KAT2A: variants seen among roughly 807,000 people sequenced by gnomAD.
KAT2A encodes the protein lysine acetyltransferase 2A, also known as histone acetyltransferase KAT2A.
A neutral mutation model predicts 95.2 loss-of-function variants in KAT2A; 42 were observed. The observed-to-expected ratio is 0.44, with a 90% CI of 0.34 to 0.57. The LOEUF (loss-of-function observed/expected upper bound fraction) is 0.57. Ranked by LOEUF, KAT2A falls within the 20% of genes least tolerant of loss-of-function variation. The probability of loss-of-function intolerance (pLI) is 0.01; values close to 1 mark genes in which losing one functional copy is unlikely to be tolerated. For missense variants in KAT2A, 784 were observed against 1,126.3 expected, an observed-to-expected ratio of 0.70 and a Z score of 4.35; for synonymous variants, 449 against 448.2, an observed-to-expected ratio of 1.00 and a Z score of -0.02.
Position 42,117,402 on chromosome 17 carries a change from G to A in KAT2A, c.1623C>T (p.Arg541=). 1 of 1,613,660 alleles carries A rather than the reference G, an allele frequency of 6.2e-7. No homozygotes were observed. Among genetic ancestry groups the A allele is most frequent in the Non-Finnish European group, 8.5e-7 (1 of 1,179,902 alleles). ...GGGGGACGCACGGGTCAAAGACGAG[G>A]CGGGCGATATACTCCTTAGGCATGC... The part of the protein sequence containing the change: ...LPRMPKEYIA[R]LVFDPKHKTL... The change falls in exon 10 of 18, where the codon CGC becomes CGT. Residue 541 remains arginine (R), a synonymous_variant. Transcript: ENST00000225916. The surrounding 1 kb of genome is among the most constrained non-coding windows in gnomAD (Gnocchi z 8.9).
At chr17:42,118,146 A>G (rs1555666513) in intron 7 of KAT2A, 129 bp from the exon 8 acceptor site, 2 of 730,900 alleles carry the variant, frequency 2.7e-6, no homozygotes, top group Admixed American at 2.6e-5. Flanking sequence ...GAGGAGAGAG[A>G]GAGAGAAGGC....
At position 42,114,023 on chromosome 17, in the gene KAT2A, T is replaced by G; in HGVS notation, c.2297A>C (p.Tyr766Ser). The G allele has an allele frequency of 2.6e-6, 4 of 1,519,136 alleles. No individual in the cohort carries two copies. The highest frequency in any genetic ancestry group is 3.5e-6 in the Non-Finnish European group (4 of 1,139,148). 94.1% of individuals were successfully genotyped at this position (1,519,136 alleles called of 1,614,324 possible). ...ACCAATGGGGAAGCGGATGACCTCGTAGTAGTCAGGGGCCTCCGACTTCTT... is the reference window on the plus strand; with the variant it reads ...ACCAATGGGGAAGCGGATGACCTCGGAGTAGTCAGGGGCCTCCGACTTCTT... ...PVKKSEAPDY[Y>S]EVIRFPIDLK... Residue 766 changes from tyrosine (Y) to serine (S), a missense_variant, in exon 17 of 18, where the codon TAC (tyrosine) becomes TCC (serine). Around this residue, in one of 6 missense-constraint regions of KAT2A, gnomAD observed 195 missense variants for 247.1 expected, o/e 0.79. Transcript: ENST00000225916. The surrounding 1 kb of genome is among the most constrained non-coding windows in gnomAD (Gnocchi z 6.0).
At chr17:42,116,976 C>G in intron 11 of KAT2A, 59 bp downstream of exon 11, 1 of 1,598,896 alleles carries the variant, frequency 6.3e-7, no homozygotes, top group South Asian at 1.1e-5. Flanking sequence ...CTGCTCCGAA[C>G]TGGCCCAAAC....
chr17:42,120,857 C>CTA (rs1418730533), intron 1 of KAT2A, 28 bp from the exon 2 acceptor site: 99 of 1,596,984 alleles, frequency 6.2e-5, no homozygotes, highest in Non-Finnish European at 8.3e-5. Flanking sequence ...AGTCAATGAC[C>CTA]TATACCTCTG....
chr17:42,117,087 T>G lies in KAT2A; in HGVS notation c.1712A>C (p.Gln571Pro), dbSNP rs782105109. The G allele has an allele frequency of 6.2e-7, 1 of 1,614,168 alleles. No individual in the cohort carries two copies. The highest frequency in any genetic ancestry group is 2.2e-5 in the East Asian group (1 of 44,882). The change falls in exon 11 of 18, where the codon CAG becomes CCG. Residue 571 changes from glutamine (Q) to proline (P), a missense_variant. Coordinates refer to ENST00000225916, the MANE Select transcript of KAT2A (RefSeq NM_021078.3). This position sits in a 1 kb window ranked among gnomAD's most constrained non-coding sequence, Gnocchi z 8.9. ...ACAGAAGACAATCTCCGTGAAGCCC[T>G]GGGTGGGAAACATGCGGAAGCAGAT... ...GGICFRMFPT[Q>P]GFTEIVFCAV...
Position 42,119,864 on chromosome 17 carries a change from G to GC in KAT2A, c.700-147dup. On this transcript the variant is annotated intron_variant, in intron 4 of 17. Transcript: ENST00000225916. This position sits in a 1 kb window ranked among gnomAD's most constrained non-coding sequence, Gnocchi z 5.3. ...CGGGTGCTCTCTATAGAAAAGCTCT[G>GC]CCCCCTCCCTACCACCATGCCCACC... 3.1e-6 allele frequency: 3 copies of GC among 967,116 alleles called. No homozygotes were observed. Among genetic ancestry groups the GC allele is most frequent in the Non-Finnish European group, 4.7e-6 (3 of 643,518 alleles). 59.9% of individuals were successfully genotyped at this position (967,116 alleles called of 1,614,324 possible).
Position 42,119,037 on chromosome 17 carries a change from T to A in KAT2A, c.1073+208A>T. ...GCGTAGGGTCGGGTGGGGGCAGCGT[T>A]AGCTTGGGCTATGTACCTGCCATCC... On this transcript the variant is annotated intron_variant, in intron 6 of 17. Transcript: ENST00000225916. The surrounding 1 kb of genome is among the most constrained non-coding windows in gnomAD (Gnocchi z 5.3). 2 of 1,395,842 alleles carry A rather than the reference T, an allele frequency of 1.4e-6. No homozygotes were observed. Among genetic ancestry groups the A allele is most frequent in the Non-Finnish European group, 1.9e-6 (2 of 1,076,712 alleles). The allele number at this position is 1,395,842 out of a possible 1,614,324, so 86.5% of individuals were successfully genotyped here. A position where few individuals can be genotyped will look rare whatever the true frequency, so the allele number is the denominator to read the frequency against.
chr17:42,119,049 T>C lies in KAT2A; in HGVS notation c.1073+196A>G. The C allele has an allele frequency of 1.4e-6, 2 of 1,428,202 alleles. No homozygotes were observed. The highest frequency in any genetic ancestry group is 1.8e-6 in the Non-Finnish European group (2 of 1,092,686). The allele number at this position is 1,428,202 out of a possible 1,614,324, so 88.5% of individuals were successfully genotyped here. A position where few individuals can be genotyped will look rare whatever the true frequency, so the allele number is the denominator to read the frequency against. On this transcript the variant is annotated intron_variant, in intron 6 of 17. Coordinates refer to ENST00000225916, the MANE Select transcript of KAT2A (RefSeq NM_021078.3). This position sits in a 1 kb window ranked among gnomAD's most constrained non-coding sequence, Gnocchi z 5.3. Reference sequence around the variant, plus strand: ...GTGGGGGCAGCGTTAGCTTGGGCTATGTACCTGCCATCCCCAGACTAGTAC... The same window carrying C: ...GTGGGGGCAGCGTTAGCTTGGGCTACGTACCTGCCATCCCCAGACTAGTAC...
At position 42,113,359 on chromosome 17, in the gene KAT2A, C is replaced by A; in HGVS notation, c.*290G>T. ...CCAAGCCTCCAAAGCTCTTGGGGAC[C>A]AGGCCTGGGGGCCACCACGGCTGGG... On this transcript the variant is annotated 3_prime_UTR_variant, in exon 18 of 18. Transcript: ENST00000225916. The A allele has an allele frequency of 6.8e-6, 2 of 296,172 alleles. No individual in the cohort carries two copies. The highest frequency in any genetic ancestry group is 5.4e-5 in the South Asian group (1 of 18,602). The allele number at this position is 296,172 out of a possible 1,614,324, so 18.3% of individuals were successfully genotyped here.
At position 42,121,126 on chromosome 17, in the gene KAT2A, G is replaced by A. The variant is rs2054332186; in HGVS notation, c.179C>T (p.Thr60Ile). The A allele has an allele frequency of 2.7e-6, 4 of 1,505,022 alleles. No individual in the cohort carries two copies. Among genetic ancestry groups the A allele is most frequent in the Non-Finnish European group, 3.6e-6 (4 of 1,124,998 alleles). 93.2% of individuals were successfully genotyped at this position (1,505,022 alleles called of 1,614,324 possible). Residue 60 changes from threonine to isoleucine, a missense_variant, in exon 1 of 18, where the codon ACT becomes ATT. Transcript: ENST00000225916. ...CCCACTTCCTACCCCGGGCCCCCCA[G>A]TCCCTGTGCTGCCGGCTGGGGCTGC... ...PAAAPAGSTG[T>I]GGPGVGSGGA... is the part of the protein sequence containing the mutation.
chr17:42,118,081 G>C, intron 7 of KAT2A, 64 bp from the exon 8 acceptor site: 1 of 1,115,402 alleles, frequency 9.0e-7, no homozygotes, highest in African/African-American at 1.7e-5. Context: ...AGAGAAGTCA[G>C]GGACGGGGGC....
At position 42,113,806 on chromosome 17, in the gene KAT2A, T is replaced by C. The variant is rs1555665230; in HGVS notation, c.2357A>G (p.Tyr786Cys). 26 of 1,601,800 alleles carry C rather than the reference T, an allele frequency of 1.6e-5. No individual in the cohort carries two copies. Among genetic ancestry groups the C allele is most frequent in the Non-Finnish European group, 2.0e-5 (24 of 1,175,978 alleles). Residue 786 changes from tyrosine (Y) to cysteine (C), a missense_variant, in exon 18 of 18, where the codon TAC becomes TGC. Tyr to Cys is a radical substitution (Grantham distance 194). Coordinates refer to ENST00000225916, the MANE Select transcript of KAT2A (RefSeq NM_021078.3). ...KTMTERLRSR[Y>C]YVTRKLFVAD... ...CACAAAGAGCTTCCGGGTCACGTAG[T>C]AGCGGCTTCGCAGCCGCTCAGTCAT...
Position 42,120,428 on chromosome 17 carries a change from T to A in KAT2A, c.464-58A>T, listed in dbSNP as rs1483338934. ...GATAGAAGAAATCAACAAGGCTTCTTGACCCTCTTCACAGCCAAGCAAGAT... is the reference window on the plus strand; with the variant it reads ...GATAGAAGAAATCAACAAGGCTTCTAGACCCTCTTCACAGCCAAGCAAGAT... On this transcript the variant is annotated intron_variant, in intron 2 of 17. Transcript: ENST00000225916. 2.5e-6 allele frequency: 4 copies of A among 1,578,162 alleles called. No homozygotes were observed. The East Asian group carries it at 8.9e-5, about 35-fold the overall frequency.
chr17:42,115,535 C>A (rs1247866806), intron 12 of KAT2A, among the ~76,000 whole-genome samples, 188 bp downstream of exon 12: 1 of 151,734 alleles, frequency 6.6e-6, no homozygotes, highest in African/African-American at 2.4e-5. Flanking sequence ...CTCTACTGGC[C>A]CCACAGGCCC....
rs782195959 is a variant in KAT2A at position 42,114,642 on chromosome 17, C to G, written c.2020-38G>C. Reference sequence around the variant, plus strand: ...AGGGACTGAGGGGCCAACTCCAGCCCCAACAACAACCCCTCCCAGGGCCAC... The same window carrying G: ...AGGGACTGAGGGGCCAACTCCAGCCGCAACAACAACCCCTCCCAGGGCCAC... On this transcript the variant is annotated intron_variant, in intron 13 of 17. Coordinates refer to ENST00000225916, the MANE Select transcript of KAT2A (RefSeq NM_021078.3). This position sits in a 1 kb window ranked among gnomAD's most constrained non-coding sequence, Gnocchi z 6.0. The G allele has an allele frequency of 6.4e-7, 1 of 1,556,614 alleles. No homozygotes were observed. The highest frequency in any genetic ancestry group is 2.2e-5 in the East Asian group (1 of 44,570).
In KAT2A at chr17:42,121,118, G is replaced by C; in HGVS notation, c.187C>G (p.Pro63Ala). The part of the protein sequence containing the change: ...APAGSTGTGG[P>A]GVGSGGAGSG... ...CCGGCCCCCCCACTTCCTACCCCGG[G>C]CCCCCCAGTCCCTGTGCTGCCGGCT... is the stretch of plus-strand genomic sequence containing the variant. Residue 63 changes from proline (P) to alanine (A), a missense_variant, in exon 1 of 18, where the codon CCC becomes GCC. This residue lies in a region of KAT2A where 142 missense variants were observed against 123.2 expected (regional missense o/e 1.15). Transcript: ENST00000225916. 1 of 1,515,642 alleles carries C rather than the reference G, an allele frequency of 6.6e-7. No homozygotes were observed. The highest frequency in any genetic ancestry group is 8.8e-7 in the Non-Finnish European group (1 of 1,130,466). The allele number at this position is 1,515,642 out of a possible 1,614,324, so 93.9% of individuals were successfully genotyped here. A position where few individuals can be genotyped will look rare whatever the true frequency, so the allele number is the denominator to read the frequency against.
intron 11 of KAT2A, among the ~76,000 whole-genome samples, 177 bp downstream of exon 11, chr17:42,116,858 G>A (rs1252206523): frequency 2.6e-5 from 4 of 152,240 alleles, no homozygotes; most frequent in African/African-American, 9.6e-5. Flanking sequence ...TCAACAGGTG[G>A]TTTCCTAATC....
chr17:42,118,701 C>T (rs554247865), intron 6 of KAT2A, among the ~76,000 whole-genome samples: 90 of 152,324 alleles, frequency 5.9e-4, no homozygotes, highest in African/African-American at 2.1e-3. Flanking sequence ...TCACCCTGAG[C>T]CCCCTCACTG....
At position 42,120,837 on chromosome 17, in the gene KAT2A, T is replaced by C. The variant is rs199715495; in HGVS notation, c.340-8A>G. On this transcript the variant is annotated splice_polypyrimidine_tract_variant and splice_region_variant and intron_variant, in intron 1 of 17. Coordinates refer to ENST00000225916, the MANE Select transcript of KAT2A (RefSeq NM_021078.3). Reference sequence around the variant, plus strand: ...CTTACAGGTTTCATTGGCCTGGAGGTGGAAGGATCAGTCAATGACCTATAC... The same window carrying C: ...CTTACAGGTTTCATTGGCCTGGAGGCGGAAGGATCAGTCAATGACCTATAC... 3,372 of 1,606,956 alleles carry C rather than the reference T, an allele frequency of 2.1e-3. 9 individuals are homozygous for C. The highest frequency in any genetic ancestry group is 2.9e-3 in the Admixed American group (173 of 59,360).
Sources: allele counts gnomAD v4.1 joint callset (sites outside exome capture counted in the v4.1 genomes callset), GRCh38; gene constraint gnomAD v4.1.1; regional missense constraint gnomAD v4.1.1; non-coding constraint Gnocchi (gnomAD v3.1); transcripts MANE v1.5; gene names NCBI Gene and HGNC (gene_info 2026-07-23, HGNC 2026-07-21).